The following ARHGEF12 variants were observed in gnomAD, a reference collection of about 807,000 sequenced individuals.
ARHGEF12 encodes KMT2A/ARHGEF12 fusion protein.
Under a neutral mutation model 211.2 loss-of-function variants are expected in ARHGEF12, and 66 were observed. The ratio of observed to expected loss-of-function variants is 0.31; its 90% CI spans 0.26 to 0.38. The LOEUF is 0.38. Among genes scored for constraint, ARHGEF12 ranks in the 10% least tolerant of loss-of-function variants. The pLI, the probability that ARHGEF12 is intolerant of heterozygous loss-of-function variation, is 1.00. For missense variants in ARHGEF12, 1,429 were observed against 1,869.5 expected (o/e 0.76, Z 4.34); for synonymous variants, 592 against 638.4 (o/e 0.93, Z 1.09).
At chr11:120,430,519 G>GCTC (rs1945493061) in intron 10 of ARHGEF12, among the ~76,000 whole-genome samples, 1 of 152,062 alleles carries the variant, frequency 6.6e-6, no homozygotes, top group South Asian at 2.1e-4. Context: ...GAAAAAAAAA[G>GCTC]CTCAGCATTT....
intron 1 of ARHGEF12, among the ~76,000 whole-genome samples, chr11:120,362,143 C>T (rs1004281779): frequency 6.6e-6 from 1 of 152,130 alleles, no homozygotes; most frequent in African/African-American, 2.4e-5. Flanking sequence ...TGGCTGAATA[C>T]ATTTAATGAG....
At chr11:120,420,348 G>A (rs1220926005) in intron 4 of ARHGEF12, among the ~76,000 whole-genome samples, 5 of 152,140 alleles carry the variant, frequency 3.3e-5, no homozygotes, top group African/African-American at 1.2e-4. Flanking sequence ...GTCCTAAGAT[G>A]GTTGATTTTT....
At chr11:120,407,606 G>GTA (rs1175686477) in intron 2 of ARHGEF12, 132 bp from the exon 3 acceptor site, 10 of 566,486 alleles carry the variant, frequency 1.8e-5, no homozygotes. Context: ...ATGTAAATTA[G>GTA]AGAGGCTTAT....
At chr11:120,381,670 C>T (rs1041402847) in intron 1 of ARHGEF12, among the ~76,000 whole-genome samples, 3 of 152,168 alleles carry the variant, frequency 2.0e-5, no homozygotes, top group African/African-American at 7.2e-5. Context: ...GTTTGGTTAA[C>T]ATTTGTTGAA....
chr11:120,367,353 CTTTTTTTTT>C (rs1025919456), intron 1 of ARHGEF12, among the ~76,000 whole-genome samples: 49 of 59,348 alleles, frequency 8.3e-4, no homozygotes, highest in South Asian at 2.7e-3. Flanking sequence ...ATACTTTTTC[CTTTTTTTTT>C]TTTTTTTTTT....
chr11:120,414,031 G>T (rs1275726635), intron 4 of ARHGEF12, among the ~76,000 whole-genome samples: 1 of 151,928 alleles, frequency 6.6e-6, no homozygotes, highest in African/African-American at 2.4e-5. Flanking sequence ...ATGATCATTG[G>T]TAATTATCTA....
In ARHGEF12 at chr11:120,336,829, G is replaced by T. The variant is rs1245192788; in HGVS notation, c.-415G>T. ...GGGAGGGAGGGCCCCGGCCCTTGCC[G>T]CGGCGGGGAGTTCGAGGCCCCGAGA... On this transcript the variant is annotated 5_prime_UTR_variant, in exon 1 of 41. Coordinates refer to ENST00000397843, the MANE Select transcript of ARHGEF12 (RefSeq NM_015313.3). 2 of 344,908 alleles carry T rather than the reference G, an allele frequency of 5.8e-6. No homozygotes were observed. The highest frequency in any genetic ancestry group is 5.2e-6 in the Non-Finnish European group (1 of 192,194). The allele number at this position is 344,908 out of a possible 1,614,324, so 21.4% of individuals were successfully genotyped here.
chr11:120,346,212 T>A (rs1942714763), intron 1 of ARHGEF12, among the ~76,000 whole-genome samples: 1 of 152,262 alleles, frequency 6.6e-6, no homozygotes, highest in Admixed American at 6.5e-5. Context: ...CTTCTTTTGC[T>A]AGGTTATGCT....
At chr11:120,406,074 C>A in intron 1 of ARHGEF12, 44 bp from the exon 2 acceptor site, 1 of 1,424,358 alleles carries the variant, frequency 7.0e-7, no homozygotes, top group Non-Finnish European at 9.6e-7. Context: ...CAAAATCTTA[C>A]AAGTAAAGTA....
At position 120,337,415 on chromosome 11, in the gene ARHGEF12, C is replaced by T. The variant is rs563181274; in HGVS notation, c.32+140C>T. On this transcript the variant is annotated intron_variant, in intron 1 of 40. Coordinates refer to ENST00000397843, the MANE Select transcript of ARHGEF12 (RefSeq NM_015313.3). ...GTTGTTTCGGAGCTGTGCAGTTAGC[C>T]TGGGGTTGCTGCCGAGTTATCCAGT... 1.5e-5 allele frequency: 22 copies of T among 1,491,422 alleles called. No homozygotes were observed. In the African/African-American group the frequency reaches 2.9e-4, roughly 20 times the overall value. 92.4% of individuals were successfully genotyped at this position (1,491,422 alleles called of 1,614,324 possible). A position where few individuals can be genotyped will look rare whatever the true frequency, so the allele number is the denominator to read the frequency against.
chr11:120,422,687 A>G (rs1945228025), intron 6 of ARHGEF12, among the ~76,000 whole-genome samples: 1 of 152,216 alleles, frequency 6.6e-6, no homozygotes. Flanking sequence ...CCTGACCTGT[A>G]TGCAAATAGA....
intron 30 of ARHGEF12, 89 bp downstream of exon 30, chr11:120,469,477 T>C: frequency 9.5e-7 from 1 of 1,048,424 alleles, no homozygotes; most frequent in Non-Finnish European, 1.4e-6. Context: ...TTGTTAAAAC[T>C]ATCATTACCT....
In ARHGEF12 at chr11:120,469,273, C is replaced by G; in HGVS notation, c.2855-15C>G. 1.3e-6 allele frequency: 2 copies of G among 1,592,138 alleles called. No individual in the cohort carries two copies. Among genetic ancestry groups the G allele is most frequent in the Non-Finnish European group, 1.7e-6 (2 of 1,169,862 alleles). ...CTCAGTTCTTTTACATTTTGGATTT[C>G]TTTCCCATATTTAGAATGGCCAACA... On this transcript the variant is annotated splice_polypyrimidine_tract_variant and intron_variant, in intron 29 of 40. Transcript: ENST00000397843.
intron 8 of ARHGEF12, among the ~76,000 whole-genome samples, chr11:120,428,716 C>T (rs1945432683): frequency 6.6e-6 from 1 of 151,980 alleles, no homozygotes; most frequent in South Asian, 2.1e-4. Flanking sequence ...ATGCTAAGTT[C>T]TATGAGGATT....
intron 30 of ARHGEF12, 22 bp downstream of exon 30, chr11:120,469,410 G>T (rs762834921): frequency 1.9e-6 from 3 of 1,557,954 alleles, no homozygotes; most frequent in Non-Finnish European, 2.6e-6. Context: ...AAACAAGAAG[G>T]TACAGGATGA....
intron 22 of ARHGEF12, among the ~76,000 whole-genome samples, chr11:120,455,279 A>G (rs1003008900): frequency 3.3e-5 from 5 of 152,200 alleles, no homozygotes; most frequent in Non-Finnish European, 7.3e-5. Flanking sequence ...AGAACCATCT[A>G]TAGTGAATGC....
At chr11:120,374,565 TG>T (rs1374694511) in intron 1 of ARHGEF12, among the ~76,000 whole-genome samples, 5 of 152,190 alleles carry the variant, frequency 3.3e-5, no homozygotes, top group Non-Finnish European at 7.3e-5. Context: ...CAATCTCCTC[TG>T]GGGTAGATGG....
Position 120,457,739 on chromosome 11 carries a change from A to G in ARHGEF12, c.2208A>G (p.Thr736=), listed in dbSNP as rs760738877. The part of the protein sequence containing the change: ...CEVERVTEHG[T]PKPFRKFDSV... Reference sequence around the variant, plus strand: ...GTTTTAGGGTGACTGAACATGGGACACCAAAGCCCTTTCGAAAGTAAGTAA... The same window carrying G: ...GTTTTAGGGTGACTGAACATGGGACGCCAAAGCCCTTTCGAAAGTAAGTAA... Residue 736 remains threonine (T), a synonymous_variant, in exon 24 of 41, where the codon ACA becomes ACG. Coordinates refer to ENST00000397843, the MANE Select transcript of ARHGEF12 (RefSeq NM_015313.3). 6.2e-7 allele frequency: 1 copy of G among 1,608,840 alleles called. No homozygotes were observed. Among genetic ancestry groups the G allele is most frequent in the Admixed American group, 1.7e-5 (1 of 59,270 alleles).
chr11:120,349,343 A>G (rs1565418867), intron 1 of ARHGEF12, among the ~76,000 whole-genome samples: 1 of 152,210 alleles, frequency 6.6e-6, no homozygotes, highest in Non-Finnish European at 1.5e-5. Context: ...AATTATATTA[A>G]TTTTGACTCC....
Sources: gnomAD v4.1 joint callset for allele counts (sites outside exome capture counted in the v4.1 genomes callset) on GRCh38, gnomAD v4.1.1 for gene constraint, MANE v1.5 for transcripts, NCBI Gene and HGNC (gene_info 2026-07-23, HGNC 2026-07-21) for gene names.